NBAS: variants seen among roughly 807,000 people sequenced by gnomAD.
The protein encoded by NBAS is NBAS subunit of NRZ tethering complex.
In NBAS, 219 loss-of-function variants were observed where a neutral mutation model predicts 302.5. The observed-to-expected ratio is 0.72, with a 90% confidence interval of 0.65 to 0.81. NBAS has a LOEUF of 0.81. Ranked by LOEUF, NBAS falls within the 30% of genes least tolerant of loss-of-function variation. NBAS has a pLI of 0.00. For synonymous variants in NBAS, 1,118 were observed against 1,021.6 expected (o/e 1.09, Z -1.80); for missense variants, 2,932 against 2,841.6 (o/e 1.03, Z -0.72).
At chr2:15,332,691 A>C (rs970596945) in intron 35 of NBAS, among the ~76,000 whole-genome samples, 2 of 152,202 alleles carry the variant, frequency 1.3e-5, no homozygotes, top group African/African-American at 4.8e-5. Context: ...AAAACATATA[A>C]AAAGCCTGTA....
At chr2:15,144,343 GT>G in the NBAS span, among the ~76,000 whole-genome samples, 1 of 152,026 alleles carries the variant, frequency 6.6e-6, no homozygotes, top group Non-Finnish European at 1.5e-5. Flanking sequence ...ACAGACCAAA[GT>G]GTCAAATATG....
the NBAS span, among the ~76,000 whole-genome samples, chr2:14,906,528 CCCA>C: frequency 6.6e-6 from 1 of 152,144 alleles, no homozygotes; most frequent in Non-Finnish European, 1.5e-5. Flanking sequence ...TTCCTGGGGA[CCCA>C]CCTTTACTCG....
chr2:14,953,250 C>G, the NBAS span, among the ~76,000 whole-genome samples: 1 of 152,066 alleles, frequency 6.6e-6, no homozygotes, highest in Admixed American at 6.6e-5. Context: ...ATTTGGACTA[C>G]AGCATGGTGA....
intron 6 of NBAS, among the ~76,000 whole-genome samples, chr2:15,542,676 T>G (rs1663908073): frequency 6.6e-6 from 1 of 151,748 alleles, no homozygotes; most frequent in African/African-American, 2.4e-5. Context: ...AAATCAAACT[T>G]CAAAGCAGGC....
chr2:15,284,665 G>A (rs1192617418), intron 42 of NBAS, among the ~76,000 whole-genome samples: 1 of 152,122 alleles, frequency 6.6e-6, no homozygotes, highest in East Asian at 1.9e-4. Flanking sequence ...ACTTCCCAGT[G>A]GCACTCACTC....
the NBAS span, among the ~76,000 whole-genome samples, chr2:14,946,903 AAT>A: frequency 6.6e-6 from 1 of 152,242 alleles, no homozygotes. Context: ...ATGGAAGTTA[AAT>A]ATGTTCCAGA....
chr2:15,380,447 C>A (rs930183130), intron 29 of NBAS, among the ~76,000 whole-genome samples: 1 of 152,086 alleles, frequency 6.6e-6, no homozygotes, highest in Non-Finnish European at 1.5e-5. Context: ...CTTGAAGCAT[C>A]TGAATTCAGT....
Position 15,194,617 on chromosome 2 carries a change from A to G in NBAS, c.6433-4214T>C, listed in dbSNP as rs62121509. On this transcript the variant is annotated intron_variant, in intron 48 of 51. Coordinates refer to ENST00000281513, the MANE Select transcript of NBAS (RefSeq NM_015909.4). ...ACTATGAAGTATCAGAAGGAAGAACAAAAAGAGCAAAAATATGGGTAAATA... is the reference window on the plus strand; with the variant it reads ...ACTATGAAGTATCAGAAGGAAGAACGAAAAGAGCAAAAATATGGGTAAATA... Among the ~76,000 whole-genome samples the G allele has an allele frequency of 4.7e-3, 709 of 152,332 alleles. 3 individuals are homozygous for G. Among genetic ancestry groups the G allele is most frequent in the Non-Finnish European group, 8.0e-3 (546 of 68,032 alleles).
the NBAS span, among the ~76,000 whole-genome samples, chr2:15,065,973 T>C: frequency 6.6e-6 from 1 of 152,136 alleles, no homozygotes; most frequent in Admixed American, 6.5e-5. Flanking sequence ...ACTTCCTGAT[T>C]TCAAAATATA....
At chr2:15,541,193 T>A (rs187150451) in intron 6 of NBAS, among the ~76,000 whole-genome samples, 196 of 152,306 alleles carry the variant, frequency 1.3e-3, no homozygotes, top group Middle Eastern at 3.4e-3. Context: ...ATTTATCACA[T>A]CATATTGTTG....
At chr2:15,074,403 A>G in the NBAS span, among the ~76,000 whole-genome samples, 2 of 137,518 alleles carry the variant, frequency 1.5e-5, no homozygotes, top group Admixed American at 7.4e-5. Flanking sequence ...GGAGGGGGGG[A>G]GGGAAGGAAA....
At chr2:15,377,039 T>C (rs1461438173) in intron 30 of NBAS, among the ~76,000 whole-genome samples, 1 of 152,000 alleles carries the variant, frequency 6.6e-6, no homozygotes, top group Admixed American at 6.6e-5. Flanking sequence ...TTTCAAAGGA[T>C]GACAGAAAAG....
chr2:15,267,427 T>G (rs1669128446), intron 44 of NBAS, among the ~76,000 whole-genome samples: 1 of 152,220 alleles, frequency 6.6e-6, no homozygotes, highest in Non-Finnish European at 1.5e-5. Flanking sequence ...GTTTGTGTTC[T>G]CTAACCCTGA....
At chr2:15,495,191 A>C (rs1681018769) in intron 11 of NBAS, among the ~76,000 whole-genome samples, 1 of 152,170 alleles carries the variant, frequency 6.6e-6, no homozygotes, top group Non-Finnish European at 1.5e-5. Flanking sequence ...GGCACTCTAT[A>C]AGCTCTCAAA....
chr2:15,552,744 C>T, intron 5 of NBAS, among the ~76,000 whole-genome samples: 1 of 151,878 alleles, frequency 6.6e-6, no homozygotes, highest in Non-Finnish European at 1.5e-5. Context: ...GTCATTTGCA[C>T]ACTCATATTC....
intron 3 of NBAS, among the ~76,000 whole-genome samples, chr2:15,555,248 T>C (rs1664592063): frequency 7.0e-6 from 1 of 143,118 alleles, no homozygotes; most frequent in Non-Finnish European, 1.5e-5. Context: ...ACCAACACAA[T>C]AAGACCCTCT....
chr2:14,862,012 A>G, the NBAS span, among the ~76,000 whole-genome samples: 2 of 152,352 alleles, frequency 1.3e-5, no homozygotes, highest in African/African-American at 4.8e-5. Context: ...GTCAGTGATA[A>G]ATGCCTAAGA....
the NBAS span, among the ~76,000 whole-genome samples, chr2:15,034,871 T>C: frequency 6.6e-6 from 1 of 152,132 alleles, no homozygotes; most frequent in African/African-American, 2.4e-5. Context: ...TCCAGCTTTC[T>C]CCCTGTATGT....
At chr2:15,197,384 C>T (rs1376787335) in intron 48 of NBAS, among the ~76,000 whole-genome samples, 1 of 152,190 alleles carries the variant, frequency 6.6e-6, no homozygotes, top group Non-Finnish European at 1.5e-5. Context: ...ACAGTCTAGC[C>T]TAGGTCTGAG....
Sources: allele counts gnomAD v4.1 joint callset (sites outside exome capture counted in the v4.1 genomes callset), GRCh38; gene constraint gnomAD v4.1.1; transcripts MANE v1.5; gene names NCBI Gene and HGNC (gene_info 2026-07-23, HGNC 2026-07-21).